The following FRMD4A variants were observed in gnomAD, a reference collection of about 807,000 sequenced individuals.
The protein encoded by FRMD4A is FERM domain containing 4A.
A neutral mutation model predicts 129.1 loss-of-function variants in FRMD4A; 29 were observed. The ratio of observed to expected loss-of-function variants is 0.22; its 90% CI spans 0.17 to 0.31. The LOEUF (loss-of-function observed/expected upper bound fraction) is 0.31, where lower values mean the gene tolerates loss of function less well. Among genes scored for constraint, FRMD4A ranks in the 10% least tolerant of loss-of-function variants. The pLI is 1.00. For synonymous variants in FRMD4A, 634 were observed against 571.6 expected (o/e 1.11, Z -1.56); for missense variants, 1,272 against 1,375.8 (o/e 0.92, Z 1.19).
intron 8 of FRMD4A, among the ~76,000 whole-genome samples, chr10:13,757,726 G>T (rs187235633): frequency 6.6e-6 from 1 of 152,276 alleles, no homozygotes; most frequent in Non-Finnish European, 1.5e-5. Flanking sequence ...CCATTAAGGT[G>T]TATCAGCACT....
intron 2 of FRMD4A, among the ~76,000 whole-genome samples, chr10:13,997,572 C>A (rs2095627048): frequency 1.3e-5 from 2 of 151,480 alleles, no homozygotes; most frequent in South Asian, 4.2e-4. Context: ...GACCAGGCAT[C>A]TGATCCATGT....
intron 2 of FRMD4A, among the ~76,000 whole-genome samples, chr10:14,227,756 C>T (rs1193409992): frequency 1.3e-5 from 2 of 152,182 alleles, no homozygotes; most frequent in Non-Finnish European, 2.9e-5. Flanking sequence ...GTCACACAGT[C>T]GCATCTCTAG....
intron 2 of FRMD4A, among the ~76,000 whole-genome samples, chr10:13,995,801 G>A (rs2095620493): frequency 3.3e-5 from 5 of 150,780 alleles, no homozygotes; most frequent in South Asian, 4.3e-4. Flanking sequence ...ACAAGTGCCC[G>A]TATGCATTTC....
chr10:13,916,719 A>G lies in FRMD4A; in HGVS notation c.46-57807T>C, dbSNP rs143366252. 2.6e-3 allele frequency among the ~76,000 whole-genome samples: 400 copies of G among 152,254 alleles called. 2 individuals carry two copies. Among genetic ancestry groups the G allele is most frequent in the African/African-American group, 9.1e-3 (376 of 41,538 alleles). On this transcript the variant is annotated intron_variant, in intron 2 of 24. Transcript: ENST00000357447. ...TAAATTCAAATCTACATTTTTCTCT[A>G]GTGTCTCATGCCGATCATGCTGACG... is the stretch of plus-strand genomic sequence containing the variant.
chr10:13,698,176 G>A (rs1213691542), intron 14 of FRMD4A, among the ~76,000 whole-genome samples: 2 of 152,084 alleles, frequency 1.3e-5, no homozygotes, highest in African/African-American at 2.4e-5. Context: ...GAAAAAACCC[G>A]AGTGTCAGGG....
rs564423180 is a variant in FRMD4A, at chr10:14,330,127, C to G, written c.-25G>C. 1 of 1,551,356 alleles carries G rather than the reference C, an allele frequency of 6.4e-7. No homozygotes were observed. Among genetic ancestry groups the G allele is most frequent in the African/African-American group, 1.4e-5 (1 of 73,158 alleles). On this transcript the variant is annotated 5_prime_UTR_variant, in exon 2 of 25. Coordinates refer to ENST00000357447, the MANE Select transcript of FRMD4A (RefSeq NM_018027.5). ...TGGTCTCCGATTCCCATGCACGAAT[C>G]CTGCTGCCGAGTCAGTCCTCCTGGG...
intron 2 of FRMD4A, among the ~76,000 whole-genome samples, chr10:14,074,066 G>A (rs1393355458): frequency 2.0e-5 from 3 of 152,176 alleles, no homozygotes; most frequent in East Asian, 1.9e-4. Flanking sequence ...AGCTGAGATC[G>A]TGCCCCTGCA....
At chr10:13,689,198 C>CGGGGGGGG (rs61670615) in intron 15 of FRMD4A, among the ~76,000 whole-genome samples, 14 of 67,990 alleles carry the variant, frequency 2.1e-4, no homozygotes, top group African/African-American at 6.3e-4. Context: ...AAACTCTTTG[C>CGGGGGGGG]GGGGGGGGGG....
At chr10:13,759,336 T>G (rs2091979137) in intron 8 of FRMD4A, among the ~76,000 whole-genome samples, 1 of 152,190 alleles carries the variant, frequency 6.6e-6, no homozygotes, top group Non-Finnish European at 1.5e-5. Flanking sequence ...CAGAAGCTCA[T>G]TAGGGGGCCA....
At chr10:14,028,202 C>A (rs1833071568) in intron 2 of FRMD4A, among the ~76,000 whole-genome samples, 1 of 152,148 alleles carries the variant, frequency 6.6e-6, no homozygotes, top group Non-Finnish European at 1.5e-5. Flanking sequence ...TTTGTTCATT[C>A]ATTAATGCAC....
At chr10:13,685,722 C>A (rs569559596) in intron 15 of FRMD4A, 55 of 752,520 alleles carry the variant, frequency 7.3e-5, no homozygotes, top group Non-Finnish European at 8.4e-5. Context: ...GCAGGAGGAT[C>A]GCTTAAGCCC....
intron 2 of FRMD4A, among the ~76,000 whole-genome samples, chr10:13,934,570 G>T (rs1162961126): frequency 6.6e-6 from 1 of 151,896 alleles, no homozygotes; most frequent in Admixed American, 6.6e-5. Context: ...TTATATCCTT[G>T]TTGACGAAGA....
intron 3 of FRMD4A, among the ~76,000 whole-genome samples, chr10:13,816,186 C>A (rs1358281209): frequency 6.6e-6 from 1 of 152,174 alleles, no homozygotes. Context: ...GGAAGAAAAG[C>A]CTACATTTAT....
chr10:14,185,637 A>G (rs1021851303), intron 2 of FRMD4A, among the ~76,000 whole-genome samples: 2 of 152,152 alleles, frequency 1.3e-5, no homozygotes, highest in Non-Finnish European at 2.9e-5. Context: ...TCATGGTCAG[A>G]GAGCTGCAGG....
intron 2 of FRMD4A, among the ~76,000 whole-genome samples, chr10:13,981,834 G>A (rs549863499): frequency 3.9e-5 from 6 of 151,980 alleles, no homozygotes; most frequent in Non-Finnish European, 8.8e-5. Context: ...CTTCCTGTTA[G>A]GGCAGGGGGT....
chr10:13,882,157 G>A (rs552807824), intron 2 of FRMD4A, among the ~76,000 whole-genome samples: 1 of 152,176 alleles, frequency 6.6e-6, no homozygotes, highest in East Asian at 1.9e-4. Flanking sequence ...GGTGGGGGTT[G>A]TGGATGTGGT....
At chr10:14,132,818 G>C (rs147931378) in intron 2 of FRMD4A, among the ~76,000 whole-genome samples, 1 of 152,200 alleles carries the variant, frequency 6.6e-6, no homozygotes, top group Non-Finnish European at 1.5e-5. Flanking sequence ...AGTCACACAC[G>C]ATGAATGGAG....
At chr10:13,777,147 C>A (rs1210127680) in intron 6 of FRMD4A, among the ~76,000 whole-genome samples, 2 of 152,176 alleles carry the variant, frequency 1.3e-5, no homozygotes, top group Non-Finnish European at 2.9e-5. Context: ...GCAGCAAAAG[C>A]TGAACTGTCA....
intron 2 of FRMD4A, among the ~76,000 whole-genome samples, chr10:14,155,981 T>C (rs1014525424): frequency 4.6e-5 from 7 of 152,170 alleles, no homozygotes; most frequent in African/African-American, 1.7e-4. Context: ...GAGAGCAATA[T>C]AGTAAATGTT....
Sources: allele counts gnomAD v4.1 joint callset (sites outside exome capture counted in the v4.1 genomes callset), GRCh38; gene constraint gnomAD v4.1.1; transcripts MANE v1.5; gene names NCBI Gene and HGNC (gene_info 2026-07-23, HGNC 2026-07-21).